Variants in CR1L observed in about 807,000 individuals in gnomAD.
CR1L encodes complement component receptor 1-like protein.
A neutral mutation model predicts 62.3 loss-of-function variants in CR1L; 59 were observed. The observed-to-expected ratio is 0.95, with a 90% CI of 0.77 to 1.18. The LOEUF (loss-of-function observed/expected upper bound fraction) is 1.18, where lower values mean the gene tolerates loss of function less well. Among genes scored for constraint, CR1L ranks in the 50% most tolerant of loss-of-function variants. The pLI is 0.00. For synonymous variants in CR1L, 279 were observed against 248.7 expected (o/e 1.12, Z -1.15); for missense variants, 700 against 702.8 (o/e 1.00, Z 0.04).
intron 1 of CR1L, among the ~76,000 whole-genome samples, chr1:207,650,808 C>T (rs1446863064): frequency 7.2e-5 from 10 of 138,454 alleles, no homozygotes; most frequent in Non-Finnish European, 1.4e-4. Flanking sequence ...TTTTTTGAGA[C>T]AGAGTCTCGC....
intron 1 of CR1L, among the ~76,000 whole-genome samples, chr1:207,655,618 T>C (rs1451040151): frequency 6.6e-6 from 1 of 152,132 alleles, no homozygotes; most frequent in Non-Finnish European, 1.5e-5. Flanking sequence ...TTGTAACTTT[T>C]GTAGAGACGT....
At chr1:207,698,907 A>G (rs1488626326) in intron 7 of CR1L, among the ~76,000 whole-genome samples, 4 of 152,196 alleles carry the variant, frequency 2.6e-5, no homozygotes, top group African/African-American at 9.7e-5. Flanking sequence ...TAATCAGTGA[A>G]ACTCCAAGCC....
In CR1L at chr1:207,721,070, C is replaced by T. The variant is rs550091691; in HGVS notation, c.1643-2548C>T. On this transcript the variant is annotated intron_variant, in intron 11 of 11. Coordinates refer to ENST00000508064, the MANE Select transcript of CR1L (RefSeq NM_175710.2). ...CCTTGAAAGTTTCTGCAGGGAAATG[C>T]AGAAACTATCTTAGGATGCAAGATT... Among the ~76,000 whole-genome samples, 17 of 152,212 alleles carry T rather than the reference C, an allele frequency of 1.1e-4. No homozygotes were observed. In the South Asian group the frequency reaches 3.3e-3, roughly 30 times the overall value.
rs1571522341 is a variant in CR1L at position 207,690,750 on chromosome 1, C to A, written c.464-3603C>A. ...GGTTCCATCTGCAAGCTGTTCTGTGCCTCTCTTCAGGCTTCCTTCCAGTGG... is the reference window on the plus strand; with the variant it reads ...GGTTCCATCTGCAAGCTGTTCTGTGACTCTCTTCAGGCTTCCTTCCAGTGG... On this transcript the variant is annotated intron_variant, in intron 4 of 11. Coordinates refer to ENST00000508064, the MANE Select transcript of CR1L (RefSeq NM_175710.2). 2.0e-5 allele frequency among the ~76,000 whole-genome samples: 3 copies of A among 152,304 alleles called. No homozygotes were observed. In the East Asian group the frequency reaches 5.8e-4, roughly 29 times the overall value.
At chr1:207,679,153 A>ATTTTTTTTTTTTTTT (rs34703217) in intron 3 of CR1L, among the ~76,000 whole-genome samples, 16 of 90,288 alleles carry the variant, frequency 1.8e-4, no homozygotes, top group African/African-American at 2.2e-4. Context: ...GCCCACCACC[A>ATTTTTTTTTTTTTTT]TTTTTTTTTT....
intron 9 of CR1L, among the ~76,000 whole-genome samples, chr1:207,706,509 C>T (rs750373208): frequency 6.6e-6 from 1 of 151,994 alleles, no homozygotes; most frequent in Non-Finnish European, 1.5e-5. Flanking sequence ...AGCAAATAAG[C>T]CCATACCTAG....
intron 9 of CR1L, among the ~76,000 whole-genome samples, chr1:207,706,044 T>TATATAA (rs1491230856): frequency 1.0e-4 from 12 of 118,862 alleles, no homozygotes; most frequent in Non-Finnish European, 1.8e-4. Flanking sequence ...TATATATATA[T>TATATAA]AAAACACTGA....
chr1:207,719,162 G>T (rs1467368498), intron 11 of CR1L, among the ~76,000 whole-genome samples: 13 of 141,624 alleles, frequency 9.2e-5, no homozygotes, highest in Admixed American at 2.9e-4. Flanking sequence ...AATGCTAGAT[G>T]ACACGTTAGT....
chr1:207,698,253 A>C (rs1256921225), intron 7 of CR1L, among the ~76,000 whole-genome samples: 1 of 152,220 alleles, frequency 6.6e-6, no homozygotes, highest in Non-Finnish European at 1.5e-5. Flanking sequence ...GTAACAAAAA[A>C]CTTATTCTAA....
intron 5 of CR1L, among the ~76,000 whole-genome samples, chr1:207,695,376 C>T (rs1664061357): frequency 1.3e-5 from 2 of 152,186 alleles, no homozygotes; most frequent in African/African-American, 4.8e-5. Context: ...GCAATCCACC[C>T]ACCTGGGCCT....
intron 4 of CR1L, 109 bp from the exon 5 acceptor site, chr1:207,694,244 G>C: frequency 7.3e-7 from 1 of 1,370,850 alleles, no homozygotes; most frequent in African/African-American, 1.4e-5. Context: ...GTACCTACGT[G>C]TTAGCAAAGA....
intron 3 of CR1L, among the ~76,000 whole-genome samples, chr1:207,682,990 T>TTCTTTCTTTCTTTCTTTCTTTC (rs1449527510): frequency 7.2e-6 from 1 of 137,932 alleles, no homozygotes. Flanking sequence ...CTTTCTTTCT[T>TTCTTTCTTTCTTTCTTTCTTTC]TTTTTCTTTC....
chr1:207,672,206 G>C (rs570469196), intron 1 of CR1L, among the ~76,000 whole-genome samples: 1 of 150,556 alleles, frequency 6.6e-6, no homozygotes, highest in Admixed American at 6.6e-5. Flanking sequence ...CCATGCTAAT[G>C]CTAGTCACAG....
At chr1:207,652,801 A>G (rs1663242737) in intron 1 of CR1L, 1 of 642,808 alleles carries the variant, frequency 1.6e-6, no homozygotes, top group Non-Finnish European at 2.8e-6. Context: ...ATTTTAGGGT[A>G]CATATTCCAC....
chr1:207,677,622 G>A, intron 2 of CR1L, 54 bp downstream of exon 2: 1 of 1,565,376 alleles, frequency 6.4e-7, no homozygotes, highest in Admixed American at 1.9e-5. Flanking sequence ...TGTAAGATCT[G>A]ATTCAATTTG....
At chr1:207,696,343 G>T in intron 5 of CR1L, among the ~76,000 whole-genome samples, 1 of 152,244 alleles carries the variant, frequency 6.6e-6, no homozygotes, top group Admixed American at 6.5e-5. Flanking sequence ...AACAGACTCT[G>T]CCATCATCCT....
intron 4 of CR1L, among the ~76,000 whole-genome samples, chr1:207,688,948 T>C (rs1663953574): frequency 6.6e-6 from 1 of 152,188 alleles, no homozygotes; most frequent in Non-Finnish European, 1.5e-5. Flanking sequence ...GCTGCATAAT[T>C]ATGTCATCTA....
In CR1L at chr1:207,645,187, T is replaced by C. The variant is rs1475940614; in HGVS notation, c.-47T>C. ...ACTTCCCTGCTCGGCTGGCTTTCGG[T>C]TTCTCTGCTCACCTCCGGATAAATC... On this transcript the variant is annotated 5_prime_UTR_variant, in exon 1 of 12. Coordinates refer to ENST00000508064, the MANE Select transcript of CR1L (RefSeq NM_175710.2). The C allele has an allele frequency of 6.3e-7, 1 of 1,598,436 alleles. No homozygotes were observed. Among genetic ancestry groups the C allele is most frequent in the African/African-American group, 1.3e-5 (1 of 74,572 alleles).
chr1:207,716,750 A>G (rs1654008260), intron 10 of CR1L, among the ~76,000 whole-genome samples: 1 of 152,222 alleles, frequency 6.6e-6, no homozygotes, highest in Admixed American at 6.5e-5. Flanking sequence ...TTGATGTACT[A>G]AGTCTTTTAT....
Sources: gnomAD v4.1 joint callset for allele counts (sites outside exome capture counted in the v4.1 genomes callset) on GRCh38, gnomAD v4.1.1 for gene constraint, MANE v1.5 for transcripts, NCBI Gene and HGNC (gene_info 2026-07-23, HGNC 2026-07-21) for gene names.